Variants in RPGRIP1L observed in about 807,000 individuals in gnomAD.
RPGRIP1L encodes the protein protein fantom.
RPGRIP1L carries 131 observed loss-of-function variants against 160.4 expected under a neutral mutation model. The ratio of observed to expected loss-of-function variants is 0.82; its 90% CI spans 0.71 to 0.94. RPGRIP1L has a LOEUF of 0.94. Among genes scored for constraint, RPGRIP1L ranks in the 40% least tolerant of loss-of-function variants. The pLI, the probability that RPGRIP1L is intolerant of heterozygous loss-of-function variation, is 0.00. For missense variants in RPGRIP1L, 1,522 were observed against 1,535.8 expected (o/e 0.99, Z 0.15); for synonymous variants, 510 against 515.8 (o/e 0.99, Z 0.15).
At chr16:53,618,293 C>T (rs919235306) in intron 24 of RPGRIP1L, among the ~76,000 whole-genome samples, 2 of 152,172 alleles carry the variant, frequency 1.3e-5, no homozygotes, top group South Asian at 2.1e-4. Flanking sequence ...GATATATACA[C>T]GTATTGTAAA....
chr16:53,622,383 T>A, intron 22 of RPGRIP1L, 27 bp from the exon 23 acceptor site: 2 of 605,914 alleles, frequency 3.3e-6, no homozygotes, highest in Admixed American at 2.5e-5. Context: ...AAAAAAATCT[T>A]AAGATTAAGA....
chr16:53,617,073 C>CAAAAAAAAAAAAAAAA lies in RPGRIP1L; in HGVS notation c.3616+1936_3616+1951dup, dbSNP rs397945611. Among the ~76,000 whole-genome samples the CAAAAAAAAAAAAAAAA allele has an allele frequency of 2.8e-3, 61 of 21,844 alleles. 7 individuals are homozygous for CAAAAAAAAAAAAAAAA. The highest frequency in any genetic ancestry group is 6.9e-3 in the African/African-American group (19 of 2,750). The allele number at this position is 21,844 out of a possible 152,430, so 14.3% of individuals were successfully genotyped here. A position where few individuals can be genotyped will look rare whatever the true frequency, so the allele number is the denominator to read the frequency against. ...GGCAATAGCACCAGACCTTGCATCA[C>CAAAAAAAAAAAAAAAA]AAAAAAAAAAAAAAAAAAAAAAAAA... On this transcript the variant is annotated intron_variant, in intron 24 of 26. Transcript: ENST00000647211.
Position 53,601,562 on chromosome 16 carries a change from G to A in RPGRIP1L, c.*514C>T, listed in dbSNP as rs1963379686. 1 of 157,394 alleles carries A rather than the reference G, an allele frequency of 6.4e-6. No individual in the cohort carries two copies. The highest frequency in any genetic ancestry group is 6.1e-5 in the Admixed American group (1 of 16,446). The allele number at this position is 157,394 out of a possible 1,614,324, so 9.7% of individuals were successfully genotyped here. A position where few individuals can be genotyped will look rare whatever the true frequency, so the allele number is the denominator to read the frequency against. ...AAAATGGATATTAGCATTTTAAAGA[G>A]GAAGATTAACACATTAATCCAAGTA... On this transcript the variant is annotated 3_prime_UTR_variant, in exon 27 of 27. Coordinates refer to ENST00000647211, the MANE Select transcript of RPGRIP1L (RefSeq NM_015272.5).
At chr16:53,649,610 T>C (rs1430647023) in intron 15 of RPGRIP1L, among the ~76,000 whole-genome samples, 1 of 152,204 alleles carries the variant, frequency 6.6e-6, no homozygotes, top group Non-Finnish European at 1.5e-5. Flanking sequence ...AGGGAAAATG[T>C]CATAGCTATG....
intron 4 of RPGRIP1L, among the ~76,000 whole-genome samples, chr16:53,689,109 C>T (rs1970219791): frequency 6.7e-6 from 1 of 148,980 alleles, no homozygotes; most frequent in Admixed American, 6.7e-5. Context: ...TATATAAAAC[C>T]TTTTAAAGAT....
chr16:53,622,659 T>C (rs1351673203), intron 22 of RPGRIP1L, among the ~76,000 whole-genome samples: 1 of 151,868 alleles, frequency 6.6e-6, no homozygotes, highest in Non-Finnish European at 1.5e-5. Context: ...CAGTGGCTCA[T>C]GCTTGTAAAT....
At chr16:53,613,872 C>T (rs1024838467) in intron 24 of RPGRIP1L, among the ~76,000 whole-genome samples, 2 of 152,070 alleles carry the variant, frequency 1.3e-5, no homozygotes, top group Non-Finnish European at 2.9e-5. Flanking sequence ...TTAAATAGAT[C>T]CAGAGAAGGT....
chr16:53,682,839 C>A (rs1305025973), intron 6 of RPGRIP1L, among the ~76,000 whole-genome samples: 2 of 152,090 alleles, frequency 1.3e-5, no homozygotes, highest in African/African-American at 4.8e-5. Flanking sequence ...ATATGAATAA[C>A]TCATAGGTAT....
chr16:53,619,511 A>C (rs1400377857), intron 23 of RPGRIP1L, among the ~76,000 whole-genome samples: 1 of 152,248 alleles, frequency 6.6e-6, no homozygotes, highest in Non-Finnish European at 1.5e-5. Flanking sequence ...TGAGATCTTC[A>C]TCTCCGATTG....
At chr16:53,699,193 A>G (rs937486979) in intron 2 of RPGRIP1L, among the ~76,000 whole-genome samples, 3 of 151,928 alleles carry the variant, frequency 2.0e-5, no homozygotes, top group African/African-American at 7.3e-5. Flanking sequence ...TGAAGGCAGC[A>G]TGCTCGTTAA....
intron 9 of RPGRIP1L, among the ~76,000 whole-genome samples, chr16:53,666,211 GT>G (rs970449931): frequency 6.6e-6 from 1 of 152,046 alleles, no homozygotes; most frequent in Admixed American, 6.5e-5. Context: ...GAAACATTGT[GT>G]ATTCATTTCA....
At chr16:53,648,215 GAACT>G (rs1451840296) in intron 16 of RPGRIP1L, among the ~76,000 whole-genome samples, 1 of 151,844 alleles carries the variant, frequency 6.6e-6, no homozygotes, top group Non-Finnish European at 1.5e-5. Flanking sequence ...TTGGATCATG[GAACT>G]AATATGAAAA....
intron 6 of RPGRIP1L, among the ~76,000 whole-genome samples, chr16:53,683,439 A>G (rs1165107204): frequency 1.3e-5 from 2 of 152,194 alleles, no homozygotes; most frequent in Non-Finnish European, 2.9e-5. Flanking sequence ...ACGATATCAA[A>G]GAACTACTGT....
At chr16:53,640,154 T>A (rs1049862255) in intron 19 of RPGRIP1L, among the ~76,000 whole-genome samples, 1 of 152,190 alleles carries the variant, frequency 6.6e-6, no homozygotes, top group East Asian at 1.9e-4. Flanking sequence ...GTCAAGAGGA[T>A]GCCTCCAAAA....
intron 3 of RPGRIP1L, 39 bp from the exon 4 acceptor site, chr16:53,692,403 G>A (rs758937633): frequency 4.4e-6 from 7 of 1,576,214 alleles, no homozygotes; most frequent in South Asian, 3.3e-5. Context: ...AATGTGAGAA[G>A]TCAGCATAAA....
At chr16:53,610,930 TG>T (rs765168806) in intron 25 of RPGRIP1L, 36 bp downstream of exon 25, 1 of 1,455,296 alleles carries the variant, frequency 6.9e-7, no homozygotes, top group East Asian at 2.3e-5. Flanking sequence ...ATCTACTTTA[TG>T]TAAACCATTA....
At chr16:53,696,556 G>A (rs1014930972) in intron 2 of RPGRIP1L, among the ~76,000 whole-genome samples, 3 of 152,090 alleles carry the variant, frequency 2.0e-5, no homozygotes, top group African/African-American at 4.8e-5. Flanking sequence ...TTCAAGTGCC[G>A]TTCTTTAAGA....
intron 22 of RPGRIP1L, among the ~76,000 whole-genome samples, chr16:53,629,254 C>A (rs1965363269): frequency 6.6e-6 from 1 of 152,068 alleles, no homozygotes; most frequent in South Asian, 2.1e-4. Flanking sequence ...TAACAATGCT[C>A]CCCAGACGAT....
rs201959082 is a variant in RPGRIP1L, at chr16:53,622,799, C to CCACACACACACACA, written c.3295-457_3295-444dup. 2.6e-3 allele frequency among the ~76,000 whole-genome samples: 347 copies of CCACACACACACACA among 135,884 alleles called. 6 individuals are homozygous for CCACACACACACACA. The highest frequency in any genetic ancestry group is 7.1e-3 in the African/African-American group (245 of 34,696). The allele number at this position is 135,884 out of a possible 152,430, so 89.1% of individuals were successfully genotyped here. A position where few individuals can be genotyped will look rare whatever the true frequency, so the allele number is the denominator to read the frequency against. ...TCCAAAAAATAAAACAAAACAAAAA[C>CCACACACACACACA]CACACACACACACACACACACACAC... On this transcript the variant is annotated intron_variant, in intron 22 of 26. Transcript: ENST00000647211.
Sources: allele counts gnomAD v4.1 joint callset (sites outside exome capture counted in the v4.1 genomes callset), GRCh38; gene constraint gnomAD v4.1.1; transcripts MANE v1.5; gene names NCBI Gene and HGNC (gene_info 2026-07-23, HGNC 2026-07-21).